Variants in PYGM observed in about 807,000 individuals in gnomAD.
PYGM encodes the protein glycogen phosphorylase, muscle form.
PYGM carries 81 observed loss-of-function variants against 99.3 expected under a neutral mutation model. The ratio of observed to expected loss-of-function variants is 0.82; its 90% CI spans 0.68 to 0.98. PYGM has a LOEUF of 0.98. Ranked by LOEUF, PYGM falls within the 50% of genes least tolerant of loss-of-function variation. The pLI is 0.00. For synonymous variants in PYGM, 436 were observed against 451.5 expected (o/e 0.97, Z 0.44); for missense variants, 1,030 against 1,158.1 (o/e 0.89, Z 1.61).
intron 17 of PYGM, among the ~76,000 whole-genome samples, chr11:64,749,804 T>TC (rs1425530578): frequency 6.7e-6 from 1 of 149,906 alleles, no homozygotes; most frequent in Non-Finnish European, 1.5e-5. Flanking sequence ...TTTTTTTTTT[T>TC]TTTTTTGAGG....
At position 64,758,813 on chromosome 11, in the gene PYGM, C is replaced by G. The variant is rs1424942009; in HGVS notation, c.244-109G>C. The G allele has an allele frequency of 6.4e-6, 6 of 939,500 alleles. No individual in the cohort carries two copies. In the African/African-American group the frequency reaches 6.5e-5, roughly 10 times the overall value. The allele number at this position is 939,500 out of a possible 1,614,324, so 58.2% of individuals were successfully genotyped here. A position where few individuals can be genotyped will look rare whatever the true frequency, so the allele number is the denominator to read the frequency against. ...GGCCCGCCTGCCCTGCTCAGCAGTCCCATCCCTGTCCCCAATTTGTTTCTC... is the reference window on the plus strand; with the variant it reads ...GGCCCGCCTGCCCTGCTCAGCAGTCGCATCCCTGTCCCCAATTTGTTTCTC... On this transcript the variant is annotated intron_variant, in intron 1 of 19. Coordinates refer to ENST00000164139, the MANE Select transcript of PYGM (RefSeq NM_005609.4).
chr11:64,747,679 C>A (rs931477205), intron 17 of PYGM: 79 of 385,204 alleles, frequency 2.1e-4, no homozygotes, highest in Non-Finnish European at 6.5e-5. Flanking sequence ...AATGGCTTTT[C>A]TCCTCCAGTA....
chr11:64,752,720 G>A (rs935145777), intron 12 of PYGM, among the ~76,000 whole-genome samples: 1 of 152,140 alleles, frequency 6.6e-6, no homozygotes, highest in Non-Finnish European at 1.5e-5. Flanking sequence ...GACCCCACCT[G>A]ACCCCAGCAG....
Position 64,754,023 on chromosome 11 carries a change from C to T in PYGM, c.1095G>A (p.Ala365=), listed in dbSNP as rs1370804680. 14 of 1,600,700 alleles carry T rather than the reference C, an allele frequency of 8.7e-6. No individual in the cohort carries two copies. In the East Asian group the frequency reaches 9.0e-5, roughly 10 times the overall value. Residue 365 remains alanine, a splice_region_variant and synonymous_variant, in exon 10 of 20, where the codon GCG becomes GCA. Transcript: ENST00000164139. The surrounding 1 kb of genome is among the most constrained non-coding windows in gnomAD (Gnocchi z 5.5). ...VDLERMDWDK[A]WDVTVRTCAY... The stretch of plus-strand genomic sequence containing the variant: ...CACAGGTCCTCACTGTCACATCCCA[C>T]GCCTGGCACACGGGGTGGGCAGTCA...
chr11:64,754,649 C>T lies in PYGM; in HGVS notation c.999+44G>A. The T allele has an allele frequency of 6.2e-7, 1 of 1,608,724 alleles. No homozygotes were observed. Among genetic ancestry groups the T allele is most frequent in the Non-Finnish European group, 8.5e-7 (1 of 1,178,042 alleles). The stretch of plus-strand genomic sequence containing the variant: ...GCCGAGGCTGGAGGGAGAGGCCTAG[C>T]ACACACTGTCCGGTCACAGAGTCGC... On this transcript the variant is annotated intron_variant, in intron 8 of 19. Transcript: ENST00000164139. The surrounding 1 kb of genome is among the most constrained non-coding windows in gnomAD (Gnocchi z 5.5).
rs778849186 is a variant in PYGM at position 64,753,695 on chromosome 11, A to T, written c.1240-13T>A. 1.2e-4 allele frequency: 193 copies of T among 1,603,780 alleles called. No homozygotes were observed. Among genetic ancestry groups the T allele is most frequent in the Non-Finnish European group, 1.6e-4 (191 of 1,177,664 alleles). On this transcript the variant is annotated splice_polypyrimidine_tract_variant and intron_variant, in intron 10 of 19. Transcript: ENST00000164139. The stretch of plus-strand genomic sequence containing the variant: ...CGGCCGCCACCCGCTGTGCCCAGAG[A>T]GCCCAGAGCTAGAACCAGACCCAGG...
intron 14 of PYGM, 105 bp downstream of exon 14, chr11:64,751,819 C>T: frequency 1.9e-6 from 3 of 1,551,710 alleles, no homozygotes; most frequent in Non-Finnish European, 2.7e-6. Context: ...TTCCATGTCC[C>T]AAGAGTAGTC....
In PYGM at chr11:64,755,562, C is replaced by CG. The variant is rs768761419; in HGVS notation, c.661-5dup. On this transcript the variant is annotated splice_region_variant and splice_polypyrimidine_tract_variant and intron_variant, in intron 5 of 19. Transcript: ENST00000164139. The surrounding 1 kb of genome is among the most constrained non-coding windows in gnomAD (Gnocchi z 4.1). The stretch of plus-strand genomic sequence containing the variant: ...CGTAGGGCATGGCCAGTACCACCTG[C>CG]GGGGGGCAATCCTGTCAGGAGCTGG... The CG allele has an allele frequency of 6.2e-7, 1 of 1,612,450 alleles. No homozygotes were observed.
chr11:64,746,837 C>G (rs1468684012), intron 19 of PYGM, 29 bp from the exon 20 acceptor site: 1 of 1,614,216 alleles, frequency 6.2e-7, no homozygotes, highest in Non-Finnish European at 8.5e-7. Flanking sequence ...CTCTGGTTCA[C>G]TCTGCTGGCA....
rs745968794 is a variant in PYGM at position 64,753,532 on chromosome 11, G to A, written c.1390C>T (p.Leu464Phe). The A allele has an allele frequency of 6.3e-7, 1 of 1,594,146 alleles. No individual in the cohort carries two copies. Among genetic ancestry groups the A allele is most frequent in the East Asian group, 2.3e-5 (1 of 44,206 alleles). ...AGCGGGGCTCACATGGTCTTCTTGA[G>A]GATCTCGGAGTGGATGCGCGCCACG... The part of the protein sequence containing the change: ...NGVARIHSEI[L>F]KKTIFKDFYE... Residue 464 changes from leucine (L) to phenylalanine (F), a missense_variant, in exon 11 of 20, where the codon CTC becomes TTC. Leu to Phe is a conservative substitution (Grantham distance 22). Transcript: ENST00000164139.
rs1464245625 is a variant in PYGM, at chr11:64,752,357, G to GC, written c.1620+45dup. On this transcript the variant is annotated intron_variant, in intron 13 of 19. Coordinates refer to ENST00000164139, the MANE Select transcript of PYGM (RefSeq NM_005609.4). ...CTGACCCAGACATCTGGCCCCTCCAGCGCTCTCCACACAGCACAGCTGTCC... is the reference window on the plus strand; with the variant it reads ...CTGACCCAGACATCTGGCCCCTCCAGCCGCTCTCCACACAGCACAGCTGTCC... 2.5e-6 allele frequency: 4 copies of GC among 1,591,324 alleles called. No homozygotes were observed. In the South Asian group the frequency reaches 3.3e-5, roughly 13 times the overall value.
intron 2 of PYGM, 35 bp downstream of exon 2, chr11:64,758,568 C>T (rs770516018): frequency 6.2e-7 from 1 of 1,613,208 alleles, no homozygotes; most frequent in Non-Finnish European, 8.5e-7. Context: ...AGTGGAATCC[C>T]CCAGTCCCCA....
At chr11:64,758,379 G>C (rs374049360) in intron 3 of PYGM, 30 bp from the exon 4 acceptor site, 11 of 1,612,814 alleles carry the variant, frequency 6.8e-6, no homozygotes, top group Non-Finnish European at 8.5e-6. Context: ...TGGCTGTCAG[G>C]GACCCAGCAA....
Position 64,754,830 on chromosome 11 carries a change from C to A in PYGM, c.862G>T (p.Glu288Ter), listed in dbSNP as rs371208037. The change falls in exon 8 of 20, where the codon GAA (glutamate) becomes TAA (stop). Residue 288 changes from glutamate (E) to a stop codon, truncating the protein, a stop_gained. Coordinates refer to ENST00000164139, the MANE Select transcript of PYGM (RefSeq NM_005609.4). LOFTEE classifies it high-confidence loss of function. The surrounding 1 kb of genome is among the most constrained non-coding windows in gnomAD (Gnocchi z 5.5). ...TGCTTCAGCCGCAGCTCCTTCCCTT[C>A]GAAGAACTGGGGACAGCATGAGGCA... ...RVLYPNDNFF[E>*]GKELRLKQEY... The A allele has an allele frequency of 2.5e-6, 4 of 1,613,824 alleles. No individual in the cohort carries two copies. In the South Asian group the frequency reaches 3.3e-5, roughly 13 times the overall value.
chr11:64,752,981 G>T, intron 12 of PYGM, 92 bp downstream of exon 12: 3 of 1,172,038 alleles, frequency 2.6e-6, no homozygotes, highest in African/African-American at 1.5e-5. Context: ...TCAGCTGGGA[G>T]CCCTGATGCA....
Position 64,754,804 on chromosome 11 carries a change from C to T in PYGM, c.888G>A (p.Gln296=). 1 of 1,614,002 alleles carries T rather than the reference C, an allele frequency of 6.2e-7. No homozygotes were observed. The highest frequency in any genetic ancestry group is 8.5e-7 in the Non-Finnish European group (1 of 1,180,012). Residue 296 remains glutamine, a synonymous_variant, in exon 8 of 20, where the codon CAG becomes CAA. Coordinates refer to ENST00000164139, the MANE Select transcript of PYGM (RefSeq NM_005609.4). This position sits in a 1 kb window ranked among gnomAD's most constrained non-coding sequence, Gnocchi z 5.5. The part of the protein sequence containing the change: ...FFEGKELRLK[Q]EYFVVAATLQ... ...GGGTGGCAGCCACCACGAAATACTCCTGCTTCAGCCGCAGCTCCTTCCCTT... is the reference window on the plus strand; with the variant it reads ...GGGTGGCAGCCACCACGAAATACTCTTGCTTCAGCCGCAGCTCCTTCCCTT...
At chr11:64,758,123 G>A (rs2135839745) in intron 4 of PYGM, 123 bp downstream of exon 4, 1 of 1,367,904 alleles carries the variant, frequency 7.3e-7, no homozygotes, top group Non-Finnish European at 1.0e-6. Flanking sequence ...GGGGGGTGGG[G>A]AGCAGCAAGG....
At chr11:64,753,046 T>C (rs2058367214) in intron 12 of PYGM, 27 bp downstream of exon 12, 1 of 1,553,222 alleles carries the variant, frequency 6.4e-7, no homozygotes, top group Non-Finnish European at 8.9e-7. Flanking sequence ...CCATGTTGAC[T>C]CTACTGGCCC....
intron 14 of PYGM, 91 bp downstream of exon 14, chr11:64,751,833 A>C: frequency 6.4e-7 from 1 of 1,572,310 alleles, no homozygotes. Context: ...AGTAGTCCCA[A>C]GTCCAAAGGA....
Sources: gnomAD v4.1 joint callset for allele counts (sites outside exome capture counted in the v4.1 genomes callset) on GRCh38, gnomAD v4.1.1 for gene constraint, Gnocchi (gnomAD v3.1) non-coding constraint, MANE v1.5 for transcripts, NCBI Gene and HGNC (gene_info 2026-07-23, HGNC 2026-07-21) for gene names.